Variants in OCIAD1 observed in about 807,000 individuals in gnomAD.
OCIAD1 encodes OCIA domain-containing protein 1.
A neutral mutation model predicts 38.9 loss-of-function variants in OCIAD1; 29 were observed. The observed-to-expected ratio is 0.74, with a 90% CI of 0.55 to 1.02. The LOEUF (loss-of-function observed/expected upper bound fraction) is 1.02, where lower values mean the gene tolerates loss of function less well. Ranked by LOEUF, OCIAD1 falls within the 50% of genes least tolerant of loss-of-function variation. The pLI is 0.00. For missense variants in OCIAD1, 288 were observed against 289.6 expected, an observed-to-expected ratio of 0.99 and a Z score of 0.04; for synonymous variants, 110 against 92.0, an observed-to-expected ratio of 1.20 and a Z score of -1.12.
chr4:48,845,102 C>T (rs1778864964), intron 4 of OCIAD1, among the ~76,000 whole-genome samples: 1 of 151,916 alleles, frequency 6.6e-6, no homozygotes, highest in Admixed American at 6.6e-5. Context: ...CCTGATCTGC[C>T]AAAACCATTT....
chr4:48,844,687 T>C (rs1383364628), intron 4 of OCIAD1, among the ~76,000 whole-genome samples: 2 of 152,116 alleles, frequency 1.3e-5, no homozygotes, highest in African/African-American at 4.8e-5. Flanking sequence ...TTGCATTTAA[T>C]CAAAATCCCT....
intron 1 of OCIAD1, among the ~76,000 whole-genome samples, chr4:48,812,695 C>G (rs1453048920): frequency 3.3e-5 from 5 of 152,030 alleles, no homozygotes; most frequent in African/African-American, 1.2e-4. Context: ...TTGGAGTGAG[C>G]CCAAGAGAGA....
Position 48,850,099 on chromosome 4 carries a change from TCTTTA to T in OCIAD1, c.377+21_377+25del. 22 of 1,605,542 alleles carry T rather than the reference TCTTTA, an allele frequency of 1.4e-5. No homozygotes were observed. The highest frequency in any genetic ancestry group is 1.7e-5 in the Non-Finnish European group (20 of 1,177,690). On this transcript the variant is annotated intron_variant, in intron 6 of 8. Coordinates refer to ENST00000264312, the MANE Select transcript of OCIAD1 (RefSeq NM_017830.4). Reference sequence around the variant, plus strand: ...ACCACCTGGGTAGGCCAGATTCTGATCTTTACTTAAGATTTTTAATTTTTAAGAAA... The same window carrying T: ...ACCACCTGGGTAGGCCAGATTCTGATCTTAAGATTTTTAATTTTTAAGAAA...
At chr4:48,821,872 C>A (rs1033428751) in intron 1 of OCIAD1, among the ~76,000 whole-genome samples, 3 of 152,162 alleles carry the variant, frequency 2.0e-5, no homozygotes, top group African/African-American at 7.2e-5. Context: ...AAACTACAAA[C>A]CACTGCTCAA....
chr4:48,816,434 G>A (rs796769085), intron 1 of OCIAD1, among the ~76,000 whole-genome samples: 19 of 151,220 alleles, frequency 1.3e-4, no homozygotes, highest in African/African-American at 4.4e-4. Flanking sequence ...TCAGGAGGCC[G>A]AGGCAGGGGA....
chr4:48,852,984 G>A (rs1396792812), intron 7 of OCIAD1, among the ~76,000 whole-genome samples: 1 of 146,064 alleles, frequency 6.8e-6, no homozygotes, highest in East Asian at 2.1e-4. Flanking sequence ...CCAGCTTCAC[G>A]CCATTCTGCC....
chr4:48,860,798 TC>T lies in OCIAD1; in HGVS notation c.*38del. 1 of 1,489,282 alleles carries T rather than the reference TC, an allele frequency of 6.7e-7. No individual in the cohort carries two copies. Among genetic ancestry groups the T allele is most frequent in the Non-Finnish European group, 9.4e-7 (1 of 1,067,804 alleles). The allele number at this position is 1,489,282 out of a possible 1,614,324, so 92.3% of individuals were successfully genotyped here. On this transcript the variant is annotated 3_prime_UTR_variant, in exon 9 of 9. Coordinates refer to ENST00000264312, the MANE Select transcript of OCIAD1 (RefSeq NM_017830.4). ...CATTGGACATGAAGGAGTTTCAACA[TC>T]CAGCTTCATCTAGGTGGTCATGATT...
chr4:48,851,009 T>C (rs147829278), intron 6 of OCIAD1, among the ~76,000 whole-genome samples: 1 of 152,364 alleles, frequency 6.6e-6, no homozygotes, highest in African/African-American at 2.4e-5. Flanking sequence ...CCAAATCTTA[T>C]CAATCCCATC....
intron 3 of OCIAD1, 26 bp from the exon 4 acceptor site, chr4:48,842,610 T>C (rs1778638005): frequency 1.3e-6 from 2 of 1,522,444 alleles, no homozygotes; most frequent in East Asian, 2.3e-5. Flanking sequence ...TTTGTTGATG[T>C]TAACAAGGTC....
At chr4:48,853,965 T>C (rs1302138729) in intron 7 of OCIAD1, among the ~76,000 whole-genome samples, 2 of 152,154 alleles carry the variant, frequency 1.3e-5, no homozygotes, top group Admixed American at 6.5e-5. Context: ...TTTTCTTTAA[T>C]GGTTGGAAGC....
intron 3 of OCIAD1, among the ~76,000 whole-genome samples, chr4:48,837,642 C>CTT (rs576203754): frequency 1.3e-4 from 13 of 97,666 alleles, no homozygotes; most frequent in South Asian, 3.5e-4. Flanking sequence ...AGCAACAGTT[C>CTT]TTTTTTTTTT....
intron 7 of OCIAD1, among the ~76,000 whole-genome samples, chr4:48,854,750 C>T (rs1779857579): frequency 1.3e-5 from 2 of 152,208 alleles, no homozygotes; most frequent in Non-Finnish European, 2.9e-5. Flanking sequence ...CCACATGGGC[C>T]AGCAGTGGCC....
In OCIAD1 at chr4:48,857,286, AGAGTCATATGAAGTATCT is replaced by A; in HGVS notation, c.622_639del (p.Glu208_Ser213del). 6.2e-7 allele frequency: 1 copy of A among 1,600,492 alleles called. No individual in the cohort carries two copies. The highest frequency in any genetic ancestry group is 8.5e-7 in the Non-Finnish European group (1 of 1,172,134). On this transcript the variant is annotated inframe_deletion, in exon 8 of 9. Transcript: ENST00000264312. ...ATGAGGAATTAAGGAATAAGAACAG[AGAGTCATATGAAGTATCT>A]TTAACACAAAAGACTGACCCCTCAG...
intron 3 of OCIAD1, among the ~76,000 whole-genome samples, chr4:48,841,183 G>A (rs973401591): frequency 6.6e-6 from 1 of 152,126 alleles, no homozygotes; most frequent in African/African-American, 2.4e-5. Flanking sequence ...GCTTTAAAAC[G>A]GCAATTGAGT....
Position 48,857,306 on chromosome 4 carries a change from T to C in OCIAD1, c.641T>C (p.Leu214Ser), listed in dbSNP as rs1407119700. ...AACAGAGAGTCATATGAAGTATCTTTAACACAAAAGACTGACCCCTCAGTC... is the reference window on the plus strand; with the variant it reads ...AACAGAGAGTCATATGAAGTATCTTCAACACAAAAGACTGACCCCTCAGTC... ...NKNRESYEVS[L>S]TQKTDPSVRP... The change falls in exon 8 of 9, where the codon TTA becomes TCA. Residue 214 changes from leucine (L) to serine (S), a missense_variant. Physicochemically the swap from Leu to Ser is moderately radical, Grantham distance 145. Coordinates refer to ENST00000264312, the MANE Select transcript of OCIAD1 (RefSeq NM_017830.4). 6.2e-7 allele frequency: 1 copy of C among 1,601,362 alleles called. No homozygotes were observed.
At chr4:48,805,499 A>G (rs1214900167) in intron 1 of OCIAD1, among the ~76,000 whole-genome samples, 1 of 152,228 alleles carries the variant, frequency 6.6e-6, no homozygotes, top group African/African-American at 2.4e-5. Context: ...AAGCAATTTG[A>G]ATCCTTTTTT....
intron 1 of OCIAD1, among the ~76,000 whole-genome samples, chr4:48,822,471 G>A (rs1198224126): frequency 6.6e-6 from 1 of 152,148 alleles, no homozygotes; most frequent in Non-Finnish European, 1.5e-5. Flanking sequence ...GTACCATTCA[G>A]GACATAGGCA....
intron 3 of OCIAD1, among the ~76,000 whole-genome samples, chr4:48,833,750 AAAC>A (rs1777739366): frequency 6.6e-6 from 1 of 152,202 alleles, no homozygotes; most frequent in East Asian, 1.9e-4. Flanking sequence ...GATTATATAA[AAAC>A]AACCCAATAA....
chr4:48,848,310 A>G, intron 4 of OCIAD1, 89 bp from the exon 5 acceptor site: 1 of 656,084 alleles, frequency 1.5e-6, no homozygotes, highest in Non-Finnish European at 2.7e-6. Flanking sequence ...GGAAGGAGCT[A>G]ATGTTGTAAG....
Sources: gnomAD v4.1 joint callset for allele counts (sites outside exome capture counted in the v4.1 genomes callset) on GRCh38, gnomAD v4.1.1 for gene constraint, MANE v1.5 for transcripts, NCBI Gene and HGNC (gene_info 2026-07-23, HGNC 2026-07-21) for gene names.